Variants in SYNJ2 observed in about 807,000 individuals in gnomAD.
SYNJ2 encodes the protein synaptojanin 2.
A neutral mutation model predicts 141.3 loss-of-function variants in SYNJ2; 116 were observed. The ratio of observed to expected loss-of-function variants is 0.82; its 90% CI spans 0.71 to 0.96. The LOEUF is 0.96. Among genes scored for constraint, SYNJ2 ranks in the 40% least tolerant of loss-of-function variants. The pLI is 0.00. For synonymous variants in SYNJ2, 745 were observed against 777.7 expected (o/e 0.96, Z 0.70); for missense variants, 1,873 against 1,934.8 (o/e 0.97, Z 0.60).
In SYNJ2 at chr6:158,043,533, G is replaced by A; in HGVS notation, c.795+134G>A. 1 of 652,578 alleles carries A rather than the reference G, an allele frequency of 1.5e-6. No homozygotes were observed. Among genetic ancestry groups the A allele is most frequent in the South Asian group, 1.9e-5 (1 of 53,642 alleles). 40.4% of individuals were successfully genotyped at this position (652,578 alleles called of 1,614,324 possible). ...TCCAGTCTTTTTCCTCAGCCCTGTT[G>A]TGTTGAGCTGAGCTATCAAAGTGTG... On this transcript the variant is annotated intron_variant, in intron 5 of 26. Coordinates refer to ENST00000355585, the MANE Select transcript of SYNJ2 (RefSeq NM_003898.4). The surrounding 1 kb of genome is among the most constrained non-coding windows in gnomAD (Gnocchi z 4.0).
chr6:157,989,235 G>C (rs1228045197), intron 1 of SYNJ2, among the ~76,000 whole-genome samples: 1 of 151,844 alleles, frequency 6.6e-6, no homozygotes, highest in Non-Finnish European at 1.5e-5. Flanking sequence ...CACCTACCAG[G>C]TGCTGATCCA....
rs1780092135 is a variant in SYNJ2, at chr6:158,043,886, T to C, written c.795+487T>C. ...TTCCCGTGATTTCTAAAAATACCCC[T>C]TGCCGTCCAAAGCAGGGCTCTGGTC... On this transcript the variant is annotated intron_variant, in intron 5 of 26. Coordinates refer to ENST00000355585, the MANE Select transcript of SYNJ2 (RefSeq NM_003898.4). This position sits in a 1 kb window ranked among gnomAD's most constrained non-coding sequence, Gnocchi z 4.0. Among the ~76,000 whole-genome samples the C allele has an allele frequency of 6.6e-6, 1 of 152,188 alleles. No homozygotes were observed. The highest frequency in any genetic ancestry group is 2.4e-5 in the African/African-American group (1 of 41,454).
chr6:158,063,676 A>C (rs1391424332), intron 8 of SYNJ2, 115 bp from the exon 9 acceptor site: 6 of 633,982 alleles, frequency 9.5e-6, no homozygotes, highest in South Asian at 4.0e-5. Context: ...AAAAAAAAAA[A>C]AAAAAAAAAA....
chr6:158,091,442 TAA>T (rs933160748), intron 25 of SYNJ2, among the ~76,000 whole-genome samples: 2 of 144,604 alleles, frequency 1.4e-5, no homozygotes, highest in African/African-American at 5.1e-5. Flanking sequence ...GTTCAGCCAT[TAA>T]AAAAAAAAAG....
In SYNJ2 at chr6:158,070,335, G is replaced by A. The variant is rs145736941; in HGVS notation, c.1940+662G>A. ...CCTCCCCACTGAGCCCCTGGGTCCC[G>A]GGAAGGGCCTGTGCCTGCCAAGAGC... On this transcript the variant is annotated intron_variant, in intron 14 of 26. Coordinates refer to ENST00000355585, the MANE Select transcript of SYNJ2 (RefSeq NM_003898.4). The surrounding 1 kb of genome is among the most constrained non-coding windows in gnomAD (Gnocchi z 4.0). 1.7e-3 allele frequency: 1,689 copies of A among 985,502 alleles called. 5 individuals carry two copies. The highest frequency in any genetic ancestry group is 9.4e-3 in the Middle Eastern group (18 of 1,916). 61.0% of individuals were successfully genotyped at this position (985,502 alleles called of 1,614,324 possible).
In SYNJ2 at chr6:158,086,900, G is replaced by A; in HGVS notation, c.3254G>A (p.Gly1085Glu). 1.2e-6 allele frequency: 2 copies of A among 1,610,444 alleles called. No individual in the cohort carries two copies. The highest frequency in any genetic ancestry group is 1.1e-5 in the South Asian group (1 of 91,090). ...VELKRELEAV[G>E]EFRHRSPSRS... Reference sequence around the variant, plus strand: ...CTCAAGCGGGAGCTGGAAGCCGTCGGGGAGTTCCGCCACCGTTCTCCGAGC... The same window carrying A: ...CTCAAGCGGGAGCTGGAAGCCGTCGAGGAGTTCCGCCACCGTTCTCCGAGC... The change falls in exon 23 of 27, where the codon GGG becomes GAG. Residue 1085 changes from glycine (G) to glutamate (E), a missense_variant. Coordinates refer to ENST00000355585, the MANE Select transcript of SYNJ2 (RefSeq NM_003898.4).
At position 158,089,926 on chromosome 6, in the gene SYNJ2, T is replaced by C. The variant is rs754068813; in HGVS notation, c.3544T>C (p.Cys1182Arg). The C allele has an allele frequency of 3.7e-6, 6 of 1,613,942 alleles. No homozygotes were observed. The highest frequency in any genetic ancestry group is 5.1e-6 in the Non-Finnish European group (6 of 1,179,950). ...CCAGGAGGCAGAAGCAGCAATCCGG[T>C]GTCTCCTGGAAGCCAGAGGAGGTAG... ...NAQEAEAAIR[C>R]LLEARGGASE... The change falls in exon 25 of 27, where the codon TGT (cysteine) becomes CGT (arginine). Residue 1182 changes from cysteine to arginine, a missense_variant. Cys to Arg is a radical substitution (Grantham distance 180, BLOSUM62 -3). Coordinates refer to ENST00000355585, the MANE Select transcript of SYNJ2 (RefSeq NM_003898.4).
rs374124975 is a variant in SYNJ2 at position 158,059,285 on chromosome 6, G to A, written c.886G>A (p.Gly296Arg). Reference protein sequence around the residue: ...RHMVLLKEQYGQQVVVNLLGS... With the variant: ...RHMVLLKEQYRQQVVVNLLGS... ...CATGGTGCTTCTGAAGGAGCAGTAC[G>A]GGCAGCAGGTGGTCGTGAACCTTCT... The change falls in exon 7 of 27, where the codon GGG becomes AGG. Residue 296 changes from glycine to arginine, a missense_variant. Transcript: ENST00000355585. 9 of 1,550,418 alleles carry A rather than the reference G, an allele frequency of 5.8e-6. No individual in the cohort carries two copies. Among genetic ancestry groups the A allele is most frequent in the East Asian group, 4.9e-5 (2 of 40,930 alleles).
intron 3 of SYNJ2, among the ~76,000 whole-genome samples, chr6:158,031,941 T>C (rs1389611732): frequency 6.6e-6 from 1 of 152,244 alleles, no homozygotes; most frequent in Admixed American, 6.5e-5. Flanking sequence ...TGAAATATTC[T>C]GGAGGCTTTG....
At chr6:158,091,177 C>T (rs1048121612) in intron 25 of SYNJ2, among the ~76,000 whole-genome samples, 19 of 151,220 alleles carry the variant, frequency 1.3e-4, no homozygotes, top group African/African-American at 4.1e-4. Context: ...ATTAGCCGGG[C>T]GTGATGGTGG....
chr6:158,029,580 A>G (rs1478596893), intron 3 of SYNJ2, among the ~76,000 whole-genome samples: 2 of 151,850 alleles, frequency 1.3e-5, no homozygotes, highest in Non-Finnish European at 2.9e-5. Context: ...AAAAGAAAGA[A>G]AGAAAAGAAA....
intron 1 of SYNJ2, among the ~76,000 whole-genome samples, chr6:158,003,342 C>G (rs781759469): frequency 6.6e-6 from 1 of 152,154 alleles, no homozygotes; most frequent in Non-Finnish European, 1.5e-5. Context: ...GTTTTGATCC[C>G]CCTTTGCTTA....
intron 6 of SYNJ2, among the ~76,000 whole-genome samples, chr6:158,056,645 A>C (rs1249350939): frequency 1.3e-5 from 2 of 152,198 alleles, no homozygotes; most frequent in African/African-American, 4.8e-5. Flanking sequence ...CAGGCTGCCC[A>C]GGTCCTCGAT....
chr6:158,013,383 A>G (rs1009951795), intron 1 of SYNJ2, among the ~76,000 whole-genome samples: 1 of 152,202 alleles, frequency 6.6e-6, no homozygotes, highest in African/African-American at 2.4e-5. Context: ...TGTCAAAAAA[A>G]AAATTGCATA....
chr6:158,077,951 A>G lies in SYNJ2; in HGVS notation c.2450-213A>G, dbSNP rs1009911360. ...GCTGGCGAGGACTGCAGGCATGGTC[A>G]TGACTGTTTTGAATAATTATATGCG... On this transcript the variant is annotated intron_variant, in intron 17 of 26. Coordinates refer to ENST00000355585, the MANE Select transcript of SYNJ2 (RefSeq NM_003898.4). 9 of 423,672 alleles carry G rather than the reference A, an allele frequency of 2.1e-5. No homozygotes were observed. The South Asian group carries it at 2.3e-4, about 11-fold the overall frequency. 26.2% of individuals were successfully genotyped at this position (423,672 alleles called of 1,614,324 possible). A position where few individuals can be genotyped will look rare whatever the true frequency, so the allele number is the denominator to read the frequency against.
At chr6:158,012,974 T>A (rs1281583815) in intron 1 of SYNJ2, among the ~76,000 whole-genome samples, 1 of 152,200 alleles carries the variant, frequency 6.6e-6, no homozygotes, top group Non-Finnish European at 1.5e-5. Context: ...CAAGTGAGCA[T>A]TGGGGAAAAT....
chr6:158,047,605 C>T (rs1313039467), intron 5 of SYNJ2, among the ~76,000 whole-genome samples: 1 of 151,492 alleles, frequency 6.6e-6, no homozygotes, highest in Non-Finnish European at 1.5e-5. Context: ...GGTGAAATCC[C>T]ATCCCCACTA....
rs143534654 is a variant in SYNJ2 at position 158,078,580 on chromosome 6, G to C, written c.2567+299G>C. ...CTTTTATATTTTCTTAAATGATGTCGTTGTGCAACTTGCTTTTTTGTTACT... is the reference window on the plus strand; with the variant it reads ...CTTTTATATTTTCTTAAATGATGTCCTTGTGCAACTTGCTTTTTTGTTACT... On this transcript the variant is annotated intron_variant, in intron 18 of 26. Coordinates refer to ENST00000355585, the MANE Select transcript of SYNJ2 (RefSeq NM_003898.4). The C allele has an allele frequency of 1.3e-5, 3 of 229,816 alleles. No homozygotes were observed. In the South Asian group the frequency reaches 2.4e-4, roughly 18 times the overall value. The allele number at this position is 229,816 out of a possible 1,614,324, so 14.2% of individuals were successfully genotyped here. A position where few individuals can be genotyped will look rare whatever the true frequency, so the allele number is the denominator to read the frequency against.
At chr6:158,080,985 A>G (rs1782639730) in intron 18 of SYNJ2, 124 bp from the exon 19 acceptor site, 5 of 853,678 alleles carry the variant, frequency 5.9e-6, no homozygotes, top group Non-Finnish European at 7.7e-6. Flanking sequence ...GCCCTGGGGG[A>G]CAGCAGCTGG....
Sources: gnomAD v4.1 joint callset for allele counts (sites outside exome capture counted in the v4.1 genomes callset) on GRCh38, gnomAD v4.1.1 for gene constraint, Gnocchi (gnomAD v3.1) non-coding constraint, MANE v1.5 for transcripts, NCBI Gene and HGNC (gene_info 2026-07-23, HGNC 2026-07-21) for gene names.